PPFIA2: variants seen among roughly 807,000 people sequenced by gnomAD.
PPFIA2 encodes liprin-alpha-2.
In PPFIA2, 46 loss-of-function variants were observed where a neutral mutation model predicts 175.5. That is an observed-to-expected ratio of 0.26 (90% CI 0.21 to 0.34). PPFIA2 has a LOEUF of 0.34. Ranked by LOEUF, PPFIA2 falls within the 10% of genes least tolerant of loss-of-function variation. The pLI is 1.00. For missense variants in PPFIA2, 1,179 were observed against 1,506.1 expected (o/e 0.78, Z 3.60); for synonymous variants, 568 against 511.4 (o/e 1.11, Z -1.49).
At chr12:81,310,270 G>A (rs1324008824) in intron 22 of PPFIA2, among the ~76,000 whole-genome samples, 1 of 152,096 alleles carries the variant, frequency 6.6e-6, no homozygotes, top group Non-Finnish European at 1.5e-5. Context: ...TCCTAATTCA[G>A]TGTTGTTTGC....
chr12:81,504,404 C>T (rs975911352), intron 4 of PPFIA2, among the ~76,000 whole-genome samples: 6 of 152,196 alleles, frequency 3.9e-5, no homozygotes, highest in South Asian at 4.1e-4. Context: ...AAAAGCTTAT[C>T]ACTGGTCATT....
At chr12:81,564,766 G>C (rs4842397) in intron 4 of PPFIA2, among the ~76,000 whole-genome samples, 2,237 of 152,246 alleles carry the variant, frequency 0.015, 46 homozygotes, top group East Asian at 0.042. Context: ...TGGACAAAGT[G>C]ATGAAAGAAA....
chr12:81,356,324 A>C (rs1376598178), intron 16 of PPFIA2, among the ~76,000 whole-genome samples: 2 of 152,138 alleles, frequency 1.3e-5, no homozygotes, highest in African/African-American at 2.4e-5. Flanking sequence ...ATCACTGTTC[A>C]CAGATCACCA....
intron 4 of PPFIA2, among the ~76,000 whole-genome samples, chr12:81,602,535 A>C (rs545500145): frequency 6.6e-6 from 1 of 151,934 alleles, no homozygotes; most frequent in East Asian, 1.9e-4. Flanking sequence ...ATATTTTATA[A>C]TAATCATTAA....
At chr12:81,520,154 GA>G (rs1668467310) in intron 4 of PPFIA2, among the ~76,000 whole-genome samples, 1 of 152,190 alleles carries the variant, frequency 6.6e-6, no homozygotes, top group Non-Finnish European at 1.5e-5. Flanking sequence ...TATGTCAGAA[GA>G]AGGATCATCT....
intron 4 of PPFIA2, among the ~76,000 whole-genome samples, chr12:81,520,251 G>A (rs2062957868): frequency 6.6e-6 from 1 of 152,176 alleles, no homozygotes; most frequent in Non-Finnish European, 1.5e-5. Flanking sequence ...TAACGCGCAG[G>A]TAGTGCAGAC....
chr12:81,342,971 AT>A (rs2058408118), intron 19 of PPFIA2, among the ~76,000 whole-genome samples: 2 of 150,736 alleles, frequency 1.3e-5, no homozygotes, highest in Non-Finnish European at 3.0e-5. Context: ...AATAATAATA[AT>A]AATAATAAAT....
At chr12:81,500,722 T>A (rs2060506874) in intron 4 of PPFIA2, among the ~76,000 whole-genome samples, 1 of 152,190 alleles carries the variant, frequency 6.6e-6, no homozygotes, top group Admixed American at 6.5e-5. Context: ...ACATAGAGTT[T>A]CCGTTTCAAA....
At chr12:81,334,364 C>T (rs2056713007) in intron 21 of PPFIA2, among the ~76,000 whole-genome samples, 1 of 151,946 alleles carries the variant, frequency 6.6e-6, no homozygotes, top group African/African-American at 2.4e-5. Flanking sequence ...ATAGCCATGT[C>T]TTAGTCATTT....
intron 4 of PPFIA2, among the ~76,000 whole-genome samples, chr12:81,662,185 G>A (rs2069015739): frequency 6.6e-6 from 1 of 152,064 alleles, no homozygotes; most frequent in Admixed American, 6.5e-5. Context: ...CAGAAGGCAA[G>A]AAATAACTAA....
At chr12:81,652,143 G>C (rs1490957576) in intron 4 of PPFIA2, among the ~76,000 whole-genome samples, 1 of 150,456 alleles carries the variant, frequency 6.6e-6, no homozygotes, top group Non-Finnish European at 1.5e-5. Context: ...TTCTACCTTG[G>C]AGATGAGCCA....
At chr12:81,405,272 G>A (rs1271942044) in intron 8 of PPFIA2, among the ~76,000 whole-genome samples, 1 of 151,942 alleles carries the variant, frequency 6.6e-6, no homozygotes, top group Non-Finnish European at 1.5e-5. Flanking sequence ...GTACTGCTGA[G>A]GCCTCAAACA....
At chr12:81,739,978 C>T (rs143459244) in intron 3 of PPFIA2, among the ~76,000 whole-genome samples, 1,917 of 152,132 alleles carry the variant, frequency 0.013, 18 homozygotes, top group Non-Finnish European at 0.021. Context: ...GCTTCTTGAC[C>T]TAGGAGGGAA....
intron 4 of PPFIA2, among the ~76,000 whole-genome samples, chr12:81,628,551 G>C (rs1489245572): frequency 6.6e-6 from 1 of 151,768 alleles, no homozygotes; most frequent in Non-Finnish European, 1.5e-5. Context: ...TGATTGCTTT[G>C]TATTTTTAAC....
chr12:81,439,415 C>T (rs537822638), intron 7 of PPFIA2, among the ~76,000 whole-genome samples: 5 of 151,578 alleles, frequency 3.3e-5, no homozygotes, highest in African/African-American at 7.3e-5. Flanking sequence ...ATAATTTGTG[C>T]GTTAAAACCC....
intron 23 of PPFIA2, 136 bp downstream of exon 23, chr12:81,299,165 G>C (rs1031285887): frequency 1.7e-6 from 2 of 1,153,608 alleles, no homozygotes; most frequent in Non-Finnish European, 1.1e-6. Flanking sequence ...TTATTCCCTA[G>C]TAAGCAAATA....
chr12:81,516,843 GCC>G (rs1474323706), intron 4 of PPFIA2, among the ~76,000 whole-genome samples: 1 of 152,076 alleles, frequency 6.6e-6, no homozygotes. Context: ...ATATAAATGT[GCC>G]CATTCTTATG....
At chr12:81,570,431 G>A (rs1330885769) in intron 4 of PPFIA2, among the ~76,000 whole-genome samples, 1 of 152,108 alleles carries the variant, frequency 6.6e-6, no homozygotes. Context: ...GCCAAATCGT[G>A]AAATGTGTTT....
chr12:81,269,115 TA>T (rs1006404401), intron 28 of PPFIA2, among the ~76,000 whole-genome samples: 1 of 152,118 alleles, frequency 6.6e-6, no homozygotes, highest in Non-Finnish European at 1.5e-5. Flanking sequence ...TCTTTTTTTT[TA>T]GATAAAAACA....
Sources: allele counts gnomAD v4.1 joint callset (sites outside exome capture counted in the v4.1 genomes callset), GRCh38; gene constraint gnomAD v4.1.1; transcripts MANE v1.5; gene names NCBI Gene and HGNC (gene_info 2026-07-23, HGNC 2026-07-21).